Variants in DPP10 observed in about 807,000 individuals in gnomAD.
DPP10 encodes dipeptidyl peptidase like 10, also known as inactive dipeptidyl peptidase 10.
In DPP10, 33 loss-of-function variants were observed where a neutral mutation model predicts 120.9. The observed-to-expected ratio is 0.27, with a 90% CI of 0.21 to 0.37. The LOEUF (loss-of-function observed/expected upper bound fraction) is 0.37. DPP10 is among the 10% of genes least tolerant of loss of function. The pLI, the probability that DPP10 is intolerant of heterozygous loss-of-function variation, is 1.00. For synonymous variants in DPP10, 337 were observed against 326.1 expected (o/e 1.03, Z -0.36); for missense variants, 816 against 942.8 (o/e 0.87, Z 1.76).
rs1338990582 is a variant in DPP10, at chr2:115,836,655, T to C, written c.2110-19T>C. ...TTATTTAGATCTATAGATACAGATA[T>C]TTGTATTTTCCTTTATAGGCAGCCA... On this transcript the variant is annotated intron_variant, in intron 23 of 25. Transcript: ENST00000410059. 2 of 1,611,170 alleles carry C rather than the reference T, an allele frequency of 1.2e-6. No homozygotes were observed. The highest frequency in any genetic ancestry group is 1.7e-5 in the Admixed American group (1 of 59,462).
At chr2:115,714,546 C>G (rs926296950) in intron 7 of DPP10, among the ~76,000 whole-genome samples, 2 of 152,174 alleles carry the variant, frequency 1.3e-5, no homozygotes, top group Non-Finnish European at 2.9e-5. Flanking sequence ...CTACATCTCT[C>G]TTGTTCTCCA....
intron 1 of DPP10, among the ~76,000 whole-genome samples, chr2:115,080,839 C>A (rs774701836): frequency 6.6e-6 from 1 of 152,182 alleles, no homozygotes; most frequent in Non-Finnish European, 1.5e-5. Flanking sequence ...AGACCCCTCT[C>A]AACATTGTTG....
chr2:114,788,440 G>A (rs566257611), intron 1 of DPP10, among the ~76,000 whole-genome samples: 2 of 143,074 alleles, frequency 1.4e-5, no homozygotes, highest in South Asian at 2.2e-4. Flanking sequence ...TCCTTGAGAC[G>A]GAGTCTCACT....
At chr2:115,046,229 A>C (rs1470214294) in intron 1 of DPP10, among the ~76,000 whole-genome samples, 1 of 152,248 alleles carries the variant, frequency 6.6e-6, no homozygotes, top group Non-Finnish European at 1.5e-5. Flanking sequence ...ATATTGTTTT[A>C]GAGCAATGAC....
chr2:115,758,354 A>C (rs1485792241), intron 11 of DPP10, among the ~76,000 whole-genome samples: 1 of 152,114 alleles, frequency 6.6e-6, no homozygotes, highest in Non-Finnish European at 1.5e-5. Flanking sequence ...AAATACCACT[A>C]AAACCCTTAA....
intron 3 of DPP10, among the ~76,000 whole-genome samples, chr2:115,498,849 T>C (rs1253215011): frequency 1.3e-5 from 2 of 151,874 alleles, no homozygotes; most frequent in Non-Finnish European, 2.9e-5. Context: ...CTCAAAAATA[T>C]GTAAAAGCAA....
chr2:114,669,517 C>A (rs1573930246), intron 1 of DPP10, among the ~76,000 whole-genome samples: 1 of 152,228 alleles, frequency 6.6e-6, no homozygotes, highest in Middle Eastern at 3.4e-3. Flanking sequence ...CTTTCTTTCT[C>A]ACTACAGATC....
chr2:115,338,516 G>A (rs1307349021), intron 2 of DPP10, among the ~76,000 whole-genome samples: 1 of 151,958 alleles, frequency 6.6e-6, no homozygotes, highest in East Asian at 1.9e-4. Context: ...TGGCGCAGTG[G>A]CACAGTCATA....
rs1446483102 is a variant in DPP10, at chr2:115,436,100, CA to C, written c.272-63406del. 9.2e-5 allele frequency among the ~76,000 whole-genome samples: 14 copies of C among 151,804 alleles called. 1 individual carries two copies. The South Asian group carries it at 2.3e-3, about 25-fold the overall frequency. On this transcript the variant is annotated intron_variant, in intron 3 of 25. Coordinates refer to ENST00000410059, the MANE Select transcript of DPP10 (RefSeq NM_020868.6). ...TCTGTTAATAGTGGAAATGTTAGGT[CA>C]AAAGGGTGAAAAATGTTTTTCAGAG... is the stretch of plus-strand genomic sequence containing the variant.
intron 1 of DPP10, among the ~76,000 whole-genome samples, chr2:114,784,299 C>G (rs1358505906): frequency 6.6e-6 from 1 of 152,060 alleles, no homozygotes; most frequent in Admixed American, 6.6e-5. Flanking sequence ...CTCAAGGTCA[C>G]CCTATTTGTA....
intron 13 of DPP10, among the ~76,000 whole-genome samples, chr2:115,774,861 G>A (rs76411718): frequency 0.039 from 5,941 of 152,092 alleles, 356 homozygotes; most frequent in Admixed American, 0.17. Context: ...GAAAATAGAT[G>A]TTATAATAAA....
At chr2:115,531,416 G>T (rs1486972788) in intron 5 of DPP10, among the ~76,000 whole-genome samples, 1 of 152,030 alleles carries the variant, frequency 6.6e-6, no homozygotes, top group Non-Finnish European at 1.5e-5. Flanking sequence ...CTCACCATAT[G>T]CAGGACAAAG....
intron 21 of DPP10, among the ~76,000 whole-genome samples, chr2:115,825,159 G>A (rs897181933): frequency 3.9e-5 from 6 of 152,154 alleles, no homozygotes; most frequent in South Asian, 2.1e-4. Flanking sequence ...CTGCAATATA[G>A]TTTAACTGAA....
chr2:115,526,097 G>A, intron 5 of DPP10, 125 bp downstream of exon 5: 1 of 629,846 alleles, frequency 1.6e-6, no homozygotes, highest in East Asian at 2.9e-5. Context: ...CCGGAGGACA[G>A]TAATGACTAC....
At chr2:115,452,953 C>CT (rs2073230608) in intron 3 of DPP10, among the ~76,000 whole-genome samples, 1 of 151,730 alleles carries the variant, frequency 6.6e-6, no homozygotes, top group Non-Finnish European at 1.5e-5. Context: ...AGAATTTTTA[C>CT]TTTTTTTCTT....
intron 1 of DPP10, among the ~76,000 whole-genome samples, chr2:114,681,218 C>T (rs1699005661): frequency 6.6e-6 from 1 of 151,882 alleles, no homozygotes; most frequent in African/African-American, 2.4e-5. Context: ...TTTTAAACAC[C>T]ATCATGCCAT....
chr2:115,332,640 G>C (rs1217837932), intron 2 of DPP10, among the ~76,000 whole-genome samples: 1 of 152,094 alleles, frequency 6.6e-6, no homozygotes, highest in East Asian at 1.9e-4. Context: ...GTTCTCATTG[G>C]TTTCAAAGAA....
chr2:115,644,106 T>TA (rs1437325935), intron 5 of DPP10, among the ~76,000 whole-genome samples: 20 of 152,126 alleles, frequency 1.3e-4, no homozygotes, highest in African/African-American at 4.6e-4. Flanking sequence ...ATTTGTAAAT[T>TA]AAAAAAACTT....
chr2:115,054,859 C>A (rs1316680264), intron 1 of DPP10, among the ~76,000 whole-genome samples: 2 of 152,080 alleles, frequency 1.3e-5, no homozygotes, highest in Non-Finnish European at 2.9e-5. Context: ...TTGCAGTGAG[C>A]CAAGATCACA....
Sources: gnomAD v4.1 joint callset for allele counts (sites outside exome capture counted in the v4.1 genomes callset) on GRCh38, gnomAD v4.1.1 for gene constraint, MANE v1.5 for transcripts, NCBI Gene and HGNC (gene_info 2026-07-23, HGNC 2026-07-21) for gene names.